DUSP22: variants seen among roughly 807,000 people sequenced by gnomAD.
DUSP22 encodes dual specificity protein phosphatase 22.
In DUSP22, 24 loss-of-function variants were observed where a neutral mutation model predicts 24.5. The ratio of observed to expected loss-of-function variants is 0.98; its 90% CI spans 0.71 to 1.38. The LOEUF (loss-of-function observed/expected upper bound fraction) is 1.38. Ranked by LOEUF, DUSP22 falls within the 40% of genes most tolerant of loss-of-function variation. The pLI is 0.00. For synonymous variants in DUSP22, 160 were observed against 106.4 expected, an observed-to-expected ratio of 1.50 and a Z score of -3.10; for missense variants, 330 against 269.2, an observed-to-expected ratio of 1.23 and a Z score of -1.58.
intron 6 of DUSP22, 54 bp downstream of exon 6, chr6:348,328 C>G (rs1306317005): frequency 6.2e-7 from 1 of 1,606,462 alleles, no homozygotes; most frequent in Non-Finnish European, 8.5e-7. Context: ...CTGAACGGTG[C>G]CCACAGTCTT....
rs541107056 is a variant in DUSP22 at position 295,392 on chromosome 6, T to G, written c.21+2832T>G. On this transcript the variant is annotated intron_variant, in intron 1 of 6. Coordinates refer to ENST00000419235, the MANE Select transcript of DUSP22 (RefSeq NM_001286555.3). ...TCCGGGCTCCTGTACGGCGGAATATTGTGCCCGTTTCCGTTAGGTGTACGC... is the reference window on the plus strand; with the variant it reads ...TCCGGGCTCCTGTACGGCGGAATATGGTGCCCGTTTCCGTTAGGTGTACGC... Among the ~76,000 whole-genome samples, 3 of 152,382 alleles carry G rather than the reference T, an allele frequency of 2.0e-5. No homozygotes were observed. In the South Asian group the frequency reaches 6.2e-4, roughly 32 times the overall value.
intron 3 of DUSP22, among the ~76,000 whole-genome samples, chr6:329,676 A>G (rs1322305321): frequency 6.6e-6 from 1 of 152,300 alleles, no homozygotes; most frequent in Non-Finnish European, 1.5e-5. Context: ...CTGGTCTCGA[A>G]CTCCTGACCT....
intron 3 of DUSP22, among the ~76,000 whole-genome samples, chr6:326,783 CCT>C (rs1296044182): frequency 6.6e-6 from 1 of 152,310 alleles, no homozygotes; most frequent in Non-Finnish European, 1.5e-5. Context: ...TCCTTCTGTC[CCT>C]CTCTGCATCA....
At chr6:302,369 C>T (rs898741297) in intron 1 of DUSP22, among the ~76,000 whole-genome samples, 124 of 152,372 alleles carry the variant, frequency 8.1e-4, no homozygotes, top group African/African-American at 2.7e-3. Flanking sequence ...CTTGCACTAA[C>T]GCCCGCCTTC....
chr6:300,862 G>C (rs956046936), intron 1 of DUSP22, among the ~76,000 whole-genome samples: 3 of 152,310 alleles, frequency 2.0e-5, no homozygotes, highest in Non-Finnish European at 4.4e-5. Flanking sequence ...CTGGAAGGCT[G>C]GAGAGCCAGA....
intron 1 of DUSP22, among the ~76,000 whole-genome samples, chr6:303,366 C>T (rs969703801): frequency 1.8e-4 from 28 of 152,408 alleles, no homozygotes; most frequent in Non-Finnish European, 3.1e-4. Flanking sequence ...GGCTGGTTGT[C>T]CCTCTGCACA....
chr6:303,367 C>T (rs981169793), intron 1 of DUSP22, among the ~76,000 whole-genome samples: 10 of 152,426 alleles, frequency 6.6e-5, no homozygotes, highest in South Asian at 6.2e-4. Context: ...GCTGGTTGTC[C>T]CTCTGCACAG....
At chr6:296,998 G>A (rs560266869) in intron 1 of DUSP22, among the ~76,000 whole-genome samples, 27 of 152,414 alleles carry the variant, frequency 1.8e-4, no homozygotes, top group African/African-American at 5.8e-4. Flanking sequence ...AGCCTCTCAT[G>A]GTGCTGGGAG....
intron 2 of DUSP22, among the ~76,000 whole-genome samples, chr6:309,194 T>A (rs1213024835): frequency 8.5e-5 from 13 of 152,304 alleles, no homozygotes; most frequent in Admixed American, 8.5e-4. Context: ...TAGATGGCTC[T>A]CATCCATAGC....
At chr6:339,504 T>C (rs1267669220) in intron 4 of DUSP22, among the ~76,000 whole-genome samples, 8 of 152,308 alleles carry the variant, frequency 5.3e-5, no homozygotes, top group Admixed American at 1.3e-4. Flanking sequence ...ATATATTACA[T>C]TGGCATTTTG....
intron 3 of DUSP22, among the ~76,000 whole-genome samples, chr6:321,965 A>G (rs538703770): frequency 0.014 from 2,185 of 151,644 alleles, 4 homozygotes; most frequent in Non-Finnish European, 0.023. Flanking sequence ...TGTTCATGTG[A>G]TATTCATCAC....
intron 4 of DUSP22, among the ~76,000 whole-genome samples, chr6:335,437 A>G (rs1263895814): frequency 6.6e-6 from 1 of 152,304 alleles, no homozygotes; most frequent in Non-Finnish European, 1.5e-5. Context: ...AGGATACCTT[A>G]AACCTTTAGT....
intron 3 of DUSP22, among the ~76,000 whole-genome samples, chr6:315,661 T>C (rs1423332992): frequency 6.6e-6 from 1 of 152,310 alleles, no homozygotes; most frequent in African/African-American, 2.4e-5. Flanking sequence ...TCTTCTTTCC[T>C]TTTAATTAGC....
intron 1 of DUSP22, among the ~76,000 whole-genome samples, chr6:293,265 G>C (rs997834263): frequency 3.0e-4 from 45 of 152,394 alleles, no homozygotes; most frequent in African/African-American, 8.9e-4. Flanking sequence ...TCACTTCCCG[G>C]GCGGTGGGCT....
At chr6:323,037 G>C (rs1297908968) in intron 3 of DUSP22, among the ~76,000 whole-genome samples, 3 of 152,302 alleles carry the variant, frequency 2.0e-5, no homozygotes, top group Admixed American at 6.5e-5. Context: ...TTGCCTGCTA[G>C]GCAATGCAGG....
chr6:304,030 C>T (rs1159925671), intron 1 of DUSP22, among the ~76,000 whole-genome samples: 6 of 152,300 alleles, frequency 3.9e-5, no homozygotes, highest in Non-Finnish European at 7.3e-5. Context: ...CCATTGTTGA[C>T]TGTCATCCTG....
At chr6:334,541 TTTTGTTTGATATATAAACCTTTA>T (rs1759279165) in intron 3 of DUSP22, among the ~76,000 whole-genome samples, 1 of 152,298 alleles carries the variant, frequency 6.6e-6, no homozygotes, top group Non-Finnish European at 1.5e-5. Flanking sequence ...AAAAAAGTAT[TTTTGTTTGATATATAAACCTTTA>T]TTGTCCTGAA....
intron 1 of DUSP22, among the ~76,000 whole-genome samples, chr6:303,559 GA>G (rs1413477506): frequency 1.3e-5 from 2 of 152,426 alleles, no homozygotes; most frequent in Admixed American, 1.3e-4. Context: ...GGGAGTGAAG[GA>G]AGATAGGGGA....
intron 1 of DUSP22, among the ~76,000 whole-genome samples, chr6:298,272 A>C: frequency 6.6e-6 from 1 of 152,310 alleles, no homozygotes; most frequent in East Asian, 1.9e-4. Context: ...ATGGCATTTA[A>C]AATGTCTCTG....
Sources: allele counts gnomAD v4.1 joint callset (sites outside exome capture counted in the v4.1 genomes callset), GRCh38; gene constraint gnomAD v4.1.1; transcripts MANE v1.5; gene names NCBI Gene and HGNC (gene_info 2026-07-23, HGNC 2026-07-21).